SPATA16: variants seen among roughly 807,000 people sequenced by gnomAD.
SPATA16 encodes spermatogenesis-associated protein 16.
A neutral mutation model predicts 63.3 loss-of-function variants in SPATA16; 36 were observed. That is an observed-to-expected ratio of 0.57 (90% CI 0.44 to 0.75). SPATA16 has a LOEUF of 0.75. Among genes scored for constraint, SPATA16 ranks in the 30% least tolerant of loss-of-function variants. SPATA16 has a pLI of 0.00. For synonymous variants in SPATA16, 203 were observed against 216.7 expected (o/e 0.94, Z 0.56); for missense variants, 646 against 679.3 (o/e 0.95, Z 0.54).
At chr3:172,929,309 A>G (rs767591271) in intron 6 of SPATA16, among the ~76,000 whole-genome samples, 1 of 152,240 alleles carries the variant, frequency 6.6e-6, no homozygotes, top group South Asian at 2.1e-4. Context: ...AGAAAATAAT[A>G]TCAAAGATAG....
chr3:173,068,216 T>A (rs1736570518), intron 2 of SPATA16, among the ~76,000 whole-genome samples: 1 of 152,194 alleles, frequency 6.6e-6, no homozygotes, highest in Non-Finnish European at 1.5e-5. Context: ...GTAATTGCAA[T>A]GTTTAAACCA....
chr3:173,130,356 C>T (rs1370004760), intron 1 of SPATA16, among the ~76,000 whole-genome samples: 1 of 78,546 alleles, frequency 1.3e-5, no homozygotes, highest in Non-Finnish European at 2.4e-5. Context: ...GAGACTTCGT[C>T]TCAAAAAAAA....
At chr3:172,992,699 T>A (rs531753361) in intron 4 of SPATA16, among the ~76,000 whole-genome samples, 11 of 152,150 alleles carry the variant, frequency 7.2e-5, no homozygotes, top group South Asian at 2.1e-4. Flanking sequence ...GAGCAGCTAC[T>A]ACTGCCCTGG....
At chr3:172,992,586 T>A (rs559290840) in intron 4 of SPATA16, among the ~76,000 whole-genome samples, 6 of 152,142 alleles carry the variant, frequency 3.9e-5, no homozygotes, top group East Asian at 3.9e-4. Context: ...AAGAAAAAAA[T>A]ATTCATGACG....
intron 2 of SPATA16, among the ~76,000 whole-genome samples, chr3:173,073,784 A>G (rs1428936599): frequency 6.6e-6 from 1 of 152,196 alleles, no homozygotes; most frequent in Non-Finnish European, 1.5e-5. Flanking sequence ...GAAGTGGGCC[A>G]CCATCCTCCA....
At position 173,054,274 on chromosome 3, in the gene SPATA16, C is replaced by A. The variant is rs142175533; in HGVS notation, c.613-5180G>T. 4.3e-3 allele frequency among the ~76,000 whole-genome samples: 658 copies of A among 152,122 alleles called. 1 individual carries two copies. The highest frequency in any genetic ancestry group is 0.014 in the African/African-American group (574 of 41,502). On this transcript the variant is annotated intron_variant, in intron 2 of 10. Transcript: ENST00000351008. ...ATAAAAAACACAGGACCCAGCAACC[C>A]CATTACTGGGTATATACCCAAAGGA...
chr3:173,126,113 C>T (rs1173493492), intron 1 of SPATA16, among the ~76,000 whole-genome samples: 1 of 150,612 alleles, frequency 6.6e-6, no homozygotes, highest in East Asian at 1.9e-4. Flanking sequence ...CTACCCCGGT[C>T]TTTTTTATTG....
chr3:173,064,387 G>T (rs1330275936), intron 2 of SPATA16, among the ~76,000 whole-genome samples: 3 of 146,726 alleles, frequency 2.0e-5, no homozygotes, highest in South Asian at 2.2e-4. Context: ...AATCCTCTAT[G>T]ATACATCACT....
chr3:173,122,945 A>C (rs1374232256), intron 1 of SPATA16, among the ~76,000 whole-genome samples: 3 of 152,218 alleles, frequency 2.0e-5, no homozygotes, highest in African/African-American at 7.2e-5. Flanking sequence ...TATATTCTAC[A>C]GTATATGGTA....
intron 10 of SPATA16, among the ~76,000 whole-genome samples, chr3:172,904,096 C>G (rs1034150815): frequency 6.6e-6 from 1 of 152,204 alleles, no homozygotes; most frequent in African/African-American, 2.4e-5. Context: ...TAATTCTACA[C>G]AGCTATTTTC....
intron 2 of SPATA16, among the ~76,000 whole-genome samples, chr3:173,069,002 C>A (rs570117020): frequency 8.7e-5 from 13 of 149,916 alleles, no homozygotes; most frequent in African/African-American, 2.7e-4. Flanking sequence ...CCCAGCTACT[C>A]GGGAGGCTGA....
chr3:173,139,534 T>C (rs1480115889), intron 1 of SPATA16, among the ~76,000 whole-genome samples: 1 of 152,194 alleles, frequency 6.6e-6, no homozygotes, highest in Non-Finnish European at 1.5e-5. Flanking sequence ...CTTGAGCATA[T>C]GGTGTTTGCA....
intron 10 of SPATA16, among the ~76,000 whole-genome samples, chr3:172,899,326 A>G (rs1436613434): frequency 6.6e-6 from 1 of 152,030 alleles, no homozygotes; most frequent in Admixed American, 6.6e-5. Flanking sequence ...TTGTGCATAC[A>G]CTTAGAATCG....
chr3:172,964,489 A>C (rs971291310), intron 5 of SPATA16, among the ~76,000 whole-genome samples: 16 of 152,148 alleles, frequency 1.1e-4, no homozygotes, highest in African/African-American at 3.9e-4. Context: ...GAATCACCAA[A>C]AGGTGTCACA....
intron 2 of SPATA16, among the ~76,000 whole-genome samples, chr3:173,058,365 C>G (rs573351530): frequency 2.0e-5 from 3 of 152,130 alleles, no homozygotes; most frequent in Admixed American, 2.0e-4. Context: ...ATCTTGCCCA[C>G]GGGTTTGATC....
intron 2 of SPATA16, 87 bp downstream of exon 2, chr3:173,117,033 A>G: frequency 4.6e-6 from 6 of 1,305,226 alleles, no homozygotes; most frequent in Middle Eastern, 1.9e-4. Flanking sequence ...ACTGCTTATT[A>G]CAGTATGGCC....
intron 2 of SPATA16, among the ~76,000 whole-genome samples, chr3:173,083,377 A>C (rs1736968721): frequency 6.6e-6 from 1 of 152,212 alleles, no homozygotes; most frequent in Non-Finnish European, 1.5e-5. Context: ...GAGTACTATT[A>C]AGCCAATGAA....
At chr3:172,937,547 A>T (rs1305493999) in intron 6 of SPATA16, among the ~76,000 whole-genome samples, 2 of 152,230 alleles carry the variant, frequency 1.3e-5, no homozygotes, top group Middle Eastern at 3.2e-3. Flanking sequence ...AACTTCAGTC[A>T]CTAGCACCCA....
intron 3 of SPATA16, among the ~76,000 whole-genome samples, chr3:173,046,284 C>T (rs1735954052): frequency 6.6e-6 from 1 of 151,890 alleles, no homozygotes; most frequent in African/African-American, 2.4e-5. Context: ...TTATATATGC[C>T]ACTTCGGATA....
Sources: allele counts gnomAD v4.1 joint callset (sites outside exome capture counted in the v4.1 genomes callset), GRCh38; gene constraint gnomAD v4.1.1; transcripts MANE v1.5; gene names NCBI Gene and HGNC (gene_info 2026-07-23, HGNC 2026-07-21).